Variants in FIRRM observed in about 807,000 individuals in gnomAD.
FIRRM encodes the protein FIGNL1-interacting regulator of recombination and mitosis.
the FIRRM span, among the ~76,000 whole-genome samples, chr1:169,848,513 A>C: frequency 6.6e-6 from 1 of 152,238 alleles, no homozygotes; most frequent in Non-Finnish European, 1.5e-5. Flanking sequence ...GTATCTCAGA[A>C]CATGTAGATT....
At chr1:169,807,477 A>G in the FIRRM span, among the ~76,000 whole-genome samples, 1 of 152,222 alleles carries the variant, frequency 6.6e-6, no homozygotes, top group African/African-American at 2.4e-5. Flanking sequence ...CTCTCATGCT[A>G]GACCACAAGT....
chr1:169,826,654 C>T, the FIRRM span, among the ~76,000 whole-genome samples: 12 of 152,228 alleles, frequency 7.9e-5, no homozygotes, highest in African/African-American at 1.7e-4. Flanking sequence ...TGAGCCACCA[C>T]GCTCCGCCCA....
chr1:169,833,846 CTTT>C, the FIRRM span, among the ~76,000 whole-genome samples: 2,847 of 96,040 alleles, frequency 0.03, 150 homozygotes, highest in East Asian at 0.24. Flanking sequence ...AGTCACTTTC[CTTT>C]TTTTTTTTTT....
the FIRRM span, chr1:169,832,549 C>G: frequency 7.0e-7 from 1 of 1,425,096 alleles, no homozygotes; most frequent in Non-Finnish European, 9.9e-7. Context: ...TGAAGCTGCT[C>G]AGAGTTGGAT....
At chr1:169,798,518 A>G in the FIRRM span, among the ~76,000 whole-genome samples, 4 of 151,884 alleles carry the variant, frequency 2.6e-5, no homozygotes, top group African/African-American at 9.7e-5. Context: ...TCGCCCATCT[A>G]GGTCTCCCAA....
chr1:169,795,333 C>T, the FIRRM span: 4 of 1,417,184 alleles, frequency 2.8e-6, no homozygotes, highest in Middle Eastern at 1.9e-4. Flanking sequence ...CCTGAACCCC[C>T]TCTTTTCTTT....
the FIRRM span, chr1:169,830,848 A>C: frequency 1.9e-6 from 2 of 1,067,620 alleles, no homozygotes; most frequent in East Asian, 2.4e-5. Context: ...GAAATATCAC[A>C]GTAACAAGAT....
the FIRRM span, among the ~76,000 whole-genome samples, chr1:169,811,095 C>T: frequency 6.6e-6 from 1 of 151,612 alleles, no homozygotes; most frequent in Non-Finnish European, 1.5e-5. Flanking sequence ...CTCCTGACCT[C>T]ATGATCCACC....
At chr1:169,800,939 G>C in the FIRRM span, 1 of 1,597,816 alleles carries the variant, frequency 6.3e-7, no homozygotes, top group Non-Finnish European at 8.6e-7. Flanking sequence ...CCTGACATTG[G>C]AACAGACTTT....
At chr1:169,811,300 A>G in the FIRRM span, among the ~76,000 whole-genome samples, 1 of 152,324 alleles carries the variant, frequency 6.6e-6, no homozygotes, top group Middle Eastern at 3.4e-3. Context: ...ATAAACATAT[A>G]CTATTGTATC....
chr1:169,852,639 G>A, the FIRRM span: 2 of 718,484 alleles, frequency 2.8e-6, no homozygotes, highest in Non-Finnish European at 4.6e-6. Flanking sequence ...TATTTTTCTA[G>A]ATGACTGTGT....
At chr1:169,843,853 GT>G in the FIRRM span, 4 of 805,874 alleles carry the variant, frequency 5.0e-6, no homozygotes, top group Non-Finnish European at 8.4e-6. Flanking sequence ...TCTAGAAATA[GT>G]TCCTTTAAAC....
the FIRRM span, chr1:169,837,183 G>T: frequency 1.6e-6 from 2 of 1,245,714 alleles, no homozygotes; most frequent in Non-Finnish European, 2.1e-6. Flanking sequence ...AGGTACTGGG[G>T]TTAGGTTGTT....
At chr1:169,813,809 T>G in the FIRRM span, among the ~76,000 whole-genome samples, 1 of 152,162 alleles carries the variant, frequency 6.6e-6, no homozygotes, top group Non-Finnish European at 1.5e-5. Context: ...GTAACACTGG[T>G]CTTAGAGTTG....
At chr1:169,790,695 A>G in the FIRRM span, among the ~76,000 whole-genome samples, 1 of 152,194 alleles carries the variant, frequency 6.6e-6, no homozygotes, top group Non-Finnish European at 1.5e-5. Flanking sequence ...AGAGATACCT[A>G]TTTGTCTCAA....
At chr1:169,803,274 C>A in the FIRRM span, 2 of 1,613,764 alleles carry the variant, frequency 1.2e-6, no homozygotes, top group Non-Finnish European at 1.7e-6. Flanking sequence ...CTCCTCAGTC[C>A]TTCATATAAT....
chr1:169,811,882 T>C, the FIRRM span, among the ~76,000 whole-genome samples: 2 of 146,284 alleles, frequency 1.4e-5, no homozygotes, highest in Non-Finnish European at 3.0e-5. Context: ...GATAGATAGA[T>C]AGATAGATAG....
the FIRRM span, among the ~76,000 whole-genome samples, chr1:169,845,435 A>C: frequency 6.6e-6 from 1 of 152,210 alleles, no homozygotes; most frequent in Non-Finnish European, 1.5e-5. Flanking sequence ...CTGCCACATC[A>C]ATTGACTCTT....
chr1:169,830,410 A>G, the FIRRM span: 5 of 1,328,640 alleles, frequency 3.8e-6, no homozygotes, highest in South Asian at 3.7e-5. Context: ...ATAATTTTAT[A>G]ATTGTAAGCT....
Sources: allele counts gnomAD v4.1 joint callset (sites outside exome capture counted in the v4.1 genomes callset), GRCh38; gene constraint gnomAD v4.1.1; transcripts MANE v1.5; gene names NCBI Gene and HGNC (gene_info 2026-07-23, HGNC 2026-07-21).